The following APOBEC1 variants were observed in gnomAD, a reference collection of about 807,000 sequenced individuals.
APOBEC1 encodes the protein C->U-editing enzyme APOBEC-1.
APOBEC1 carries 22 observed loss-of-function variants against 26.3 expected under a neutral mutation model. The ratio of observed to expected loss-of-function variants is 0.84; its 90% CI spans 0.60 to 1.19. The LOEUF (loss-of-function observed/expected upper bound fraction) is 1.19. Among genes scored for constraint, APOBEC1 ranks in the 50% most tolerant of loss-of-function variants. The pLI, the probability that APOBEC1 is intolerant of heterozygous loss-of-function variation, is 0.00. For missense variants in APOBEC1, 253 were observed against 289.0 expected, an observed-to-expected ratio of 0.88 and a Z score of 0.90; for synonymous variants, 77 against 95.3, an observed-to-expected ratio of 0.81 and a Z score of 1.12.
At chr12:7,666,723 T>A (rs908256250), upstream of APOBEC1, among the ~76,000 whole-genome samples, 3 of 152,142 alleles carry the variant, frequency 2.0e-5, no homozygotes, top group Non-Finnish European at 2.9e-5. Context: ...TTTCAGCTGT[T>A]ATTCACCTAT....
intron 1 of APOBEC1, 105 bp downstream of exon 1, chr12:7,665,752 G>GACAC (rs60124402): frequency 0.029 from 22,354 of 770,570 alleles, 438 homozygotes; most frequent in East Asian, 0.089. Flanking sequence ...GAATCAGCAG[G>GACAC]ACACACACAC....
chr12:7,661,092 G>T (rs923514473), intron 1 of APOBEC1, among the ~76,000 whole-genome samples: 4 of 150,420 alleles, frequency 2.7e-5, no homozygotes, highest in Non-Finnish European at 5.9e-5. Flanking sequence ...TATAGTTCCA[G>T]CTACTCGGGA....
At chr12:7,655,282 G>A (rs574856513) in intron 1 of APOBEC1, among the ~76,000 whole-genome samples, 3 of 151,852 alleles carry the variant, frequency 2.0e-5, no homozygotes, top group Non-Finnish European at 4.4e-5. Flanking sequence ...AGGCTGAGGC[G>A]GGCAGATCAT....
chr12:7,655,225 A>G (rs1863696419), intron 1 of APOBEC1, among the ~76,000 whole-genome samples: 2 of 148,012 alleles, frequency 1.4e-5, no homozygotes, highest in Admixed American at 1.3e-4. Flanking sequence ...AAAAATTAAA[A>G]ATAGGCCCGG....
chr12:7,662,852 G>A (rs778120483), intron 1 of APOBEC1, among the ~76,000 whole-genome samples: 10 of 152,218 alleles, frequency 6.6e-5, no homozygotes, highest in South Asian at 2.1e-4. Flanking sequence ...TGGCTGGGTC[G>A]GAGTGATCAA....
At position 7,651,111 on chromosome 12, in the gene APOBEC1, T is replaced by A; in HGVS notation, c.473A>T (p.Asn158Ile). 6.2e-7 allele frequency: 1 copy of A among 1,614,052 alleles called. No homozygotes were observed. Among genetic ancestry groups the A allele is most frequent in the Non-Finnish European group, 8.5e-7 (1 of 1,179,956 alleles). The change falls in exon 4 of 5, where the codon AAC becomes ATC. Residue 158 changes from asparagine to isoleucine, a missense_variant. Asn to Ile is a moderately radical substitution (Grantham distance 149). Transcript: ENST00000229304. ...GTGAGCTTCATCCCCAGGTGGGTAG[T>A]TGACAAAATTCCTCCAGCAGTGATA... ...EYYHCWRNFV[N>I]YPPGDEAHWP...
intron 1 of APOBEC1, among the ~76,000 whole-genome samples, chr12:7,664,345 G>A (rs1393150081): frequency 6.6e-6 from 1 of 152,098 alleles, no homozygotes; most frequent in Non-Finnish European, 1.5e-5. Context: ...CACTATTTTA[G>A]TCATATCTCT....
intron 1 of APOBEC1, among the ~76,000 whole-genome samples, chr12:7,662,894 G>A (rs1432190867): frequency 1.3e-5 from 2 of 152,132 alleles, no homozygotes; most frequent in Non-Finnish European, 2.9e-5. Context: ...AGCAATGGAG[G>A]GGGTAAGCCA....
chr12:7,655,614 C>T lies in APOBEC1; in HGVS notation c.17-982G>A, dbSNP rs551097531. Among the ~76,000 whole-genome samples, 9 of 152,172 alleles carry T rather than the reference C, an allele frequency of 5.9e-5. No homozygotes were observed. In the South Asian group the frequency reaches 1.2e-3, roughly 21 times the overall value. Reference sequence around the variant, plus strand: ...ATGGGCATGGACAGCTTTGAGGGGCCTCACAGGGAGTGGTGCAGACCATGG... The same window carrying T: ...ATGGGCATGGACAGCTTTGAGGGGCTTCACAGGGAGTGGTGCAGACCATGG... On this transcript the variant is annotated intron_variant, in intron 1 of 4. Transcript: ENST00000229304.
chr12:7,667,872 A>G (rs1863912344), upstream of APOBEC1, among the ~76,000 whole-genome samples: 1 of 149,352 alleles, frequency 6.7e-6, no homozygotes, highest in Non-Finnish European at 1.5e-5. Flanking sequence ...AGATCTCACC[A>G]TTGCACTGCA....
intron 2 of APOBEC1, among the ~76,000 whole-genome samples, chr12:7,653,945 A>G (rs967437674): frequency 1.3e-5 from 2 of 152,212 alleles, no homozygotes; most frequent in Non-Finnish European, 2.9e-5. Flanking sequence ...CAATATGGTT[A>G]AGTCACAAGC....
chr12:7,653,518 G>T (rs1863676072), intron 2 of APOBEC1, among the ~76,000 whole-genome samples: 1 of 129,340 alleles, frequency 7.7e-6, no homozygotes. Flanking sequence ...TTTAAGACAT[G>T]GTCTCTCTAA....
chr12:7,652,430 G>C lies in APOBEC1; in HGVS notation c.442+8C>G. ...AAACAATGAAGTTTCTTTGTTTACT[G>C]TTTTTACCTGATGCTCTCATAATCT... On this transcript the variant is annotated splice_region_variant and intron_variant, in intron 3 of 4. Transcript: ENST00000229304. 4 of 1,603,216 alleles carry C rather than the reference G, an allele frequency of 2.5e-6. No individual in the cohort carries two copies. The highest frequency in any genetic ancestry group is 1.1e-5 in the South Asian group (1 of 89,346).
intron 1 of APOBEC1, among the ~76,000 whole-genome samples, chr12:7,659,386 C>G (rs1863772347): frequency 7.2e-6 from 1 of 139,596 alleles, no homozygotes; most frequent in Non-Finnish European, 1.5e-5. Flanking sequence ...CACACACACA[C>G]ACACACACAA....
At position 7,659,419 on chromosome 12, in the gene APOBEC1, G is replaced by A. The variant is rs117000375; in HGVS notation, c.17-4787C>T. ...CAAAAGGAACTACCGGCAACCTGGA[G>A]TACTTGTGACCAACTCACCATTTAA... On this transcript the variant is annotated intron_variant, in intron 1 of 4. Transcript: ENST00000229304. Among the ~76,000 whole-genome samples, 19 of 141,076 alleles carry A rather than the reference G, an allele frequency of 1.3e-4. 1 individual carries two copies. In the East Asian group the frequency reaches 3.9e-3, roughly 29 times the overall value. 92.6% of individuals were successfully genotyped at this position (141,076 alleles called of 152,430 possible).
upstream of APOBEC1, among the ~76,000 whole-genome samples, chr12:7,668,708 C>T (rs1863921255): frequency 6.6e-6 from 1 of 151,910 alleles, no homozygotes; most frequent in South Asian, 2.1e-4. Flanking sequence ...TTAAAATTCC[C>T]ATCACCCCAA....
At chr12:7,660,196 T>C (rs1194878286) in intron 1 of APOBEC1, among the ~76,000 whole-genome samples, 1 of 145,374 alleles carries the variant, frequency 6.9e-6, no homozygotes, top group Non-Finnish European at 1.5e-5. Flanking sequence ...CCTGCTATTC[T>C]GGAGGCTGAG....
intron 1 of APOBEC1, among the ~76,000 whole-genome samples, chr12:7,659,956 G>A (rs886696118): frequency 6.6e-6 from 1 of 151,668 alleles, no homozygotes; most frequent in African/African-American, 2.4e-5. Context: ...GCGACAGAGC[G>A]AGACTACGTC....
At chr12:7,658,200 A>T (rs2136846911) in intron 1 of APOBEC1, among the ~76,000 whole-genome samples, 1 of 152,224 alleles carries the variant, frequency 6.6e-6, no homozygotes, top group South Asian at 2.1e-4. Flanking sequence ...AGTAGCTGGG[A>T]TTACAGGCAT....
Sources: allele counts gnomAD v4.1 joint callset (sites outside exome capture counted in the v4.1 genomes callset), GRCh38; gene constraint gnomAD v4.1.1; transcripts MANE v1.5; gene names NCBI Gene and HGNC (gene_info 2026-07-23, HGNC 2026-07-21).